The following MEIS2 variants were observed in gnomAD, a reference collection of about 807,000 sequenced individuals.
The protein encoded by MEIS2 is homeobox protein Meis2.
Under a neutral mutation model 58.6 loss-of-function variants are expected in MEIS2, and 9 were observed. That is an observed-to-expected ratio of 0.15 (90% CI 0.09 to 0.27). MEIS2 has a LOEUF of 0.27. MEIS2 is among the 10% of genes least tolerant of loss of function. The pLI, the probability that MEIS2 is intolerant of heterozygous loss-of-function variation, is 1.00. For synonymous variants in MEIS2, 221 were observed against 228.4 expected (o/e 0.97, Z 0.29); for missense variants, 427 against 635.0 (o/e 0.67, Z 3.52).
intron 8 of MEIS2, chr15:37,036,397 T>A (rs1482506835): frequency 6.6e-6 from 1 of 152,364 alleles, no homozygotes; most frequent in African/African-American, 2.4e-5. Flanking sequence ...GTGCTTTTTT[T>A]TTTTTTTTTT....
At chr15:36,993,592 C>T (rs759896519) in intron 8 of MEIS2, among the ~76,000 whole-genome samples, 4 of 152,096 alleles carry the variant, frequency 2.6e-5, no homozygotes, top group Admixed American at 6.5e-5. Flanking sequence ...ATATCACCTC[C>T]TAGATCCCTA....
In MEIS2 at chr15:37,078,327, T is replaced by C. The variant is rs543395578; in HGVS notation, c.754+5444A>G. 1.1e-3 allele frequency among the ~76,000 whole-genome samples: 166 copies of C among 151,678 alleles called. 1 individual carries two copies. The highest frequency in any genetic ancestry group is 3.9e-3 in the African/African-American group (162 of 41,354). ...TGGCAAGAAGGGTAAAAAGAAAAAT[T>C]CTCCACTGTCAAGCTTTTCTTTCTT... is the stretch of plus-strand genomic sequence containing the variant. On this transcript the variant is annotated intron_variant, in intron 7 of 11. Coordinates refer to ENST00000561208, the MANE Select transcript of MEIS2 (RefSeq NM_170675.5).
At chr15:37,072,262 G>C (rs1235405583) in intron 7 of MEIS2, among the ~76,000 whole-genome samples, 1 of 152,064 alleles carries the variant, frequency 6.6e-6, no homozygotes, top group Non-Finnish European at 1.5e-5. Flanking sequence ...TCCCAGAACA[G>C]GGTTTCCCAG....
chr15:37,050,415 A>T (rs2062865655), intron 7 of MEIS2, among the ~76,000 whole-genome samples: 1 of 152,184 alleles, frequency 6.6e-6, no homozygotes, highest in South Asian at 2.1e-4. Context: ...TAAAACTTGG[A>T]AACAGAAACT....
At chr15:36,993,821 A>G (rs956572137) in intron 8 of MEIS2, among the ~76,000 whole-genome samples, 2 of 152,168 alleles carry the variant, frequency 1.3e-5, no homozygotes, top group Admixed American at 6.5e-5. Context: ...ACAGAATGTC[A>G]GAGTGCTTTA....
At position 36,897,184 on chromosome 15, in the gene MEIS2, G is replaced by A. The variant is rs745480610; in HGVS notation, c.978-498C>T. 9 of 156,308 alleles carry A rather than the reference G, an allele frequency of 5.8e-5. 1 individual carries two copies. Among genetic ancestry groups the A allele is most frequent in the Admixed American group, 1.8e-4 (3 of 16,220 alleles). The allele number at this position is 156,308 out of a possible 1,614,324, so 9.7% of individuals were successfully genotyped here. A position where few individuals can be genotyped will look rare whatever the true frequency, so the allele number is the denominator to read the frequency against. ...CACCAACACAGCAGTAATAAGTGCTGGCCAGAAAGACTTCTGCTCTTCGGC... is the reference window on the plus strand; with the variant it reads ...CACCAACACAGCAGTAATAAGTGCTAGCCAGAAAGACTTCTGCTCTTCGGC... On this transcript the variant is annotated intron_variant, in intron 9 of 11. Coordinates refer to ENST00000561208, the MANE Select transcript of MEIS2 (RefSeq NM_170675.5).
At chr15:37,031,600 C>A (rs1041427986) in intron 8 of MEIS2, among the ~76,000 whole-genome samples, 1 of 152,010 alleles carries the variant, frequency 6.6e-6, no homozygotes, top group Non-Finnish European at 1.5e-5. Flanking sequence ...CTTTATAGCA[C>A]ATTTTTATTA....
chr15:36,986,109 C>T (rs2060084844), intron 8 of MEIS2, among the ~76,000 whole-genome samples: 1 of 152,090 alleles, frequency 6.6e-6, no homozygotes, highest in Non-Finnish European at 1.5e-5. Flanking sequence ...TCTTGTTGAC[C>T]TAGGTTTTCA....
rs542334584 is a variant in MEIS2 at position 36,966,773 on chromosome 15, G to A, written c.901-16373C>T. On this transcript the variant is annotated intron_variant, in intron 8 of 11. Coordinates refer to ENST00000561208, the MANE Select transcript of MEIS2 (RefSeq NM_170675.5). ...AACAAACTTCATGAAGACAAACAAG[G>A]CACTATACAGAGATAGAAAATAACT... Among the ~76,000 whole-genome samples, 8 of 152,244 alleles carry A rather than the reference G, an allele frequency of 5.3e-5. No homozygotes were observed. In the South Asian group the frequency reaches 1.5e-3, roughly 28 times the overall value.
intron 8 of MEIS2, among the ~76,000 whole-genome samples, chr15:36,976,366 G>C (rs531400754): frequency 6.6e-6 from 1 of 151,990 alleles, no homozygotes; most frequent in Non-Finnish European, 1.5e-5. Context: ...TTACAGGCGT[G>C]AGCCACCGCG....
At chr15:37,084,364 A>T (rs894432832) in intron 6 of MEIS2, among the ~76,000 whole-genome samples, 4 of 152,166 alleles carry the variant, frequency 2.6e-5, no homozygotes, top group African/African-American at 4.8e-5. Flanking sequence ...CAGGCTCCAC[A>T]ATGTATGGGA....
intron 9 of MEIS2, chr15:36,896,890 A>C: frequency 1.9e-6 from 1 of 531,110 alleles, no homozygotes; most frequent in Non-Finnish European, 3.4e-6. Context: ...CTCCAAAACA[A>C]CTTGCTAGAA....
At chr15:37,090,006 GT>G (rs1893327612) in intron 6 of MEIS2, among the ~76,000 whole-genome samples, 1 of 151,942 alleles carries the variant, frequency 6.6e-6, no homozygotes, top group Non-Finnish European at 1.5e-5. Flanking sequence ...TTTAAAAATT[GT>G]TTTTTAGACA....
At chr15:37,017,725 TCTCA>T (rs2061396566) in intron 8 of MEIS2, among the ~76,000 whole-genome samples, 1 of 152,174 alleles carries the variant, frequency 6.6e-6, no homozygotes, top group Non-Finnish European at 1.5e-5. Context: ...CAGGATGCAC[TCTCA>T]CTCTGAGTGA....
intron 7 of MEIS2, among the ~76,000 whole-genome samples, chr15:37,065,091 A>G (rs1340310125): frequency 6.6e-6 from 1 of 152,202 alleles, no homozygotes; most frequent in East Asian, 1.9e-4. Context: ...CAGGTCAACT[A>G]GAGATTAGAA....
chr15:36,895,037 GC>G, intron 11 of MEIS2, 113 bp downstream of exon 11: 1 of 981,962 alleles, frequency 1.0e-6, no homozygotes, highest in East Asian at 2.4e-5. Context: ...GGCAGAGCAG[GC>G]AGCAGGCAAA....
chr15:36,896,709 A>C (rs1263137971), intron 9 of MEIS2, 23 bp from the exon 10 acceptor site: 13 of 1,606,002 alleles, frequency 8.1e-6, no homozygotes, highest in Admixed American at 3.3e-5. Context: ...AGAGAAGTCC[A>C]GTCATCATAC....
At chr15:36,979,551 ATCACTTGCATTT>A (rs1412654525) in intron 8 of MEIS2, among the ~76,000 whole-genome samples, 3 of 151,736 alleles carry the variant, frequency 2.0e-5, no homozygotes, top group Non-Finnish European at 2.9e-5. Context: ...ATGGTTACTG[ATCACTTGCATTT>A]TTCACTAATG....
At chr15:37,070,046 T>C (rs1246987406) in intron 7 of MEIS2, among the ~76,000 whole-genome samples, 2 of 152,174 alleles carry the variant, frequency 1.3e-5, no homozygotes, top group Non-Finnish European at 2.9e-5. Flanking sequence ...ATACAATTCA[T>C]GTCAAGAGTA....
Sources: allele counts gnomAD v4.1 joint callset (sites outside exome capture counted in the v4.1 genomes callset), GRCh38; gene constraint gnomAD v4.1.1; transcripts MANE v1.5; gene names NCBI Gene and HGNC (gene_info 2026-07-23, HGNC 2026-07-21).